ARHGEF6: variants seen among roughly 807,000 people sequenced by gnomAD.
ARHGEF6 encodes the protein Rac/Cdc42 guanine nucleotide exchange factor 6.
ARHGEF6 carries 9 observed loss-of-function variants against 70.3 expected under a neutral mutation model. The observed-to-expected ratio is 0.13, with a 90% CI of 0.08 to 0.22. The LOEUF (loss-of-function observed/expected upper bound fraction) is 0.22, where lower values mean the gene tolerates loss of function less well. ARHGEF6 is among the 10% of genes least tolerant of loss of function. ARHGEF6 has a pLI of 1.00. For synonymous variants in ARHGEF6, 201 were observed against 207.8 expected, an observed-to-expected ratio of 0.97 and a Z score of 0.28; for missense variants, 470 against 563.0, an observed-to-expected ratio of 0.83 and a Z score of 1.67.
intron 5 of ARHGEF6, 141 bp from the exon 6 acceptor site, chrX:136,732,313 A>T: frequency 2.0e-6 from 1 of 502,019 alleles, no homozygotes; most frequent in Non-Finnish European, 3.4e-6. Context: ...ATGAAACTAC[A>T]ACTGTGCTAA....
At chrX:136,768,130 T>C (rs1480510975) in intron 2 of ARHGEF6, among the ~76,000 whole-genome samples, 3 of 110,858 alleles carry the variant, frequency 2.7e-5, no homozygotes, top group African/African-American at 9.9e-5. Context: ...AAGCGTTGGC[T>C]CTCCAGAGGC....
chrX:136,695,437 T>C (rs2076500307), intron 9 of ARHGEF6, among the ~76,000 whole-genome samples: 2 of 112,561 alleles, frequency 1.8e-5, no homozygotes, highest in African/African-American at 6.4e-5. Flanking sequence ...CATCAAACCA[T>C]AATGTTTGAG....
intron 4 of ARHGEF6, among the ~76,000 whole-genome samples, chrX:136,744,439 A>G (rs1465011510): frequency 1.8e-5 from 2 of 111,943 alleles, no homozygotes; most frequent in Non-Finnish European, 3.8e-5. Flanking sequence ...CAGACCCTTT[A>G]GAGAATCTGA....
intron 10 of ARHGEF6, among the ~76,000 whole-genome samples, chrX:136,689,558 C>T (rs949409451): frequency 6.3e-5 from 7 of 111,942 alleles, no homozygotes; most frequent in African/African-American, 1.3e-4. Flanking sequence ...CCTTCCTGAG[C>T]CCTAACTGAA....
chrX:136,679,426 C>G, intron 16 of ARHGEF6, 109 bp downstream of exon 16: 2 of 964,578 alleles, frequency 2.1e-6, no homozygotes, highest in Non-Finnish European at 2.9e-6. Context: ...AAGACTGACT[C>G]ACATAATACC....
chrX:136,731,389 G>A (rs1229044098), intron 6 of ARHGEF6, among the ~76,000 whole-genome samples: 1 of 111,891 alleles, frequency 8.9e-6, no homozygotes, highest in African/African-American at 3.3e-5. Context: ...AGGGCCGGGG[G>A]AATGACAAGG....
intron 6 of ARHGEF6, among the ~76,000 whole-genome samples, chrX:136,717,796 T>C (rs995435124): frequency 5.4e-5 from 6 of 111,496 alleles, no homozygotes; most frequent in Non-Finnish European, 1.1e-4. Context: ...TATAGTATTA[T>C]ATGAAAGTGA....
intron 2 of ARHGEF6, among the ~76,000 whole-genome samples, chrX:136,752,383 G>C (rs1427255288): frequency 8.9e-6 from 1 of 111,779 alleles, no homozygotes; most frequent in Non-Finnish European, 1.9e-5. Flanking sequence ...GGTCTGCCTC[G>C]TGAGCCACGA....
intron 20 of ARHGEF6, among the ~76,000 whole-genome samples, chrX:136,671,089 A>G (rs2076221368): frequency 8.9e-6 from 1 of 112,324 alleles, no homozygotes; most frequent in Admixed American, 9.4e-5. Context: ...ATTAACTAAC[A>G]TTATTTATTG....
At chrX:136,766,083 A>G (rs1234442335) in intron 2 of ARHGEF6, among the ~76,000 whole-genome samples, 1 of 112,503 alleles carries the variant, frequency 8.9e-6, no homozygotes, top group Admixed American at 9.4e-5. Context: ...GTAGCATAAT[A>G]CTTTGCTGAA....
chrX:136,681,531 G>A (rs991598336), intron 14 of ARHGEF6, among the ~76,000 whole-genome samples: 2 of 112,442 alleles, frequency 1.8e-5, no homozygotes, highest in Non-Finnish European at 3.8e-5. Flanking sequence ...ATGGGCTGAT[G>A]ATAAAATTGC....
chrX:136,697,284 A>C (rs953457826), intron 9 of ARHGEF6, among the ~76,000 whole-genome samples: 1 of 111,934 alleles, frequency 8.9e-6, no homozygotes, highest in African/African-American at 3.3e-5. Flanking sequence ...TAAGCCAATA[A>C]AAGGAGGCAG....
chrX:136,697,388 A>G (rs2076524721), intron 9 of ARHGEF6, among the ~76,000 whole-genome samples: 1 of 112,094 alleles, frequency 8.9e-6, no homozygotes, highest in African/African-American at 3.2e-5. Flanking sequence ...GGAAGTGCTA[A>G]GAAGGATCAG....
intron 5 of ARHGEF6, among the ~76,000 whole-genome samples, chrX:136,739,297 G>C (rs1313897938): frequency 8.9e-6 from 1 of 111,917 alleles, no homozygotes; most frequent in Non-Finnish European, 1.9e-5. Flanking sequence ...TTTCTTCACT[G>C]TTCCTACAGC....
At chrX:136,704,831 A>G (rs183678433) in intron 9 of ARHGEF6, among the ~76,000 whole-genome samples, 54 of 111,807 alleles carry the variant, frequency 4.8e-4, no homozygotes, top group Non-Finnish European at 7.7e-4. Context: ...TCAGATGCTC[A>G]ATATCATTAT....
At chrX:136,761,237 T>C (rs1463559281) in intron 2 of ARHGEF6, among the ~76,000 whole-genome samples, 1 of 111,904 alleles carries the variant, frequency 8.9e-6, no homozygotes, top group Non-Finnish European at 1.9e-5. Context: ...ATGCTAAGCA[T>C]TGAGAACAAC....
intron 6 of ARHGEF6, among the ~76,000 whole-genome samples, chrX:136,719,359 T>C (rs902345465): frequency 7.2e-5 from 8 of 111,308 alleles, no homozygotes; most frequent in African/African-American, 2.3e-4. Context: ...AAACTAGAAA[T>C]CAATAACAGA....
intron 10 of ARHGEF6, among the ~76,000 whole-genome samples, chrX:136,689,284 A>G (rs941901035): frequency 1.8e-5 from 2 of 111,999 alleles, no homozygotes; most frequent in Non-Finnish European, 3.8e-5. Context: ...AATGAGAGGC[A>G]GCCAAAGACA....
rs759362228 is a variant in ARHGEF6, at chrX:136,712,991, C to CA, written c.827+284dup. 3.4e-4 allele frequency among the ~76,000 whole-genome samples: 37 copies of CA among 110,392 alleles called. 1 individual carries two copies. In the South Asian group the frequency reaches 0.014, roughly 42 times the overall value. Reference sequence around the variant, plus strand: ...GACTTCTTTTCCTGTAAGGTAAAACCAAGCACATCACTTTTTTTTTTTTTA... The same window carrying CA: ...GACTTCTTTTCCTGTAAGGTAAAACCAAAGCACATCACTTTTTTTTTTTTTA... On this transcript the variant is annotated intron_variant, in intron 7 of 21. Coordinates refer to ENST00000250617, the MANE Select transcript of ARHGEF6 (RefSeq NM_004840.3).
Sources: gnomAD v4.1 joint callset for allele counts (sites outside exome capture counted in the v4.1 genomes callset) on GRCh38, gnomAD v4.1.1 for gene constraint, MANE v1.5 for transcripts, NCBI Gene and HGNC (gene_info 2026-07-23, HGNC 2026-07-21) for gene names.